The following SCAPER variants were observed in gnomAD, a reference collection of about 807,000 sequenced individuals.
SCAPER encodes the protein S-phase cyclin A associated protein in the ER, also known as S phase cyclin A-associated protein in the endoplasmic reticulum.
In SCAPER, 98 loss-of-function variants were observed where a neutral mutation model predicts 182.2. The observed-to-expected ratio is 0.54, with a 90% CI of 0.46 to 0.64. SCAPER has a LOEUF of 0.64. SCAPER is among the 30% of genes least tolerant of loss of function. The pLI, the probability that SCAPER is intolerant of heterozygous loss-of-function variation, is 0.00. For synonymous variants in SCAPER, 605 were observed against 564.6 expected (o/e 1.07, Z -1.01); for missense variants, 1,432 against 1,690.0 (o/e 0.85, Z 2.68).
At chr15:76,410,987 C>G (rs368264518) in intron 26 of SCAPER, among the ~76,000 whole-genome samples, 44 of 152,152 alleles carry the variant, frequency 2.9e-4, no homozygotes, top group African/African-American at 1.0e-3. Flanking sequence ...AATAAATGCA[C>G]AAAACTTAAG....
At chr15:76,691,151 A>G (rs185690257) in intron 20 of SCAPER, among the ~76,000 whole-genome samples, 1 of 152,142 alleles carries the variant, frequency 6.6e-6, no homozygotes, top group African/African-American at 2.4e-5. Context: ...AGCCAAAAAA[A>G]TCCAATAGAA....
chr15:76,862,677 G>A (rs781049131), intron 2 of SCAPER, 144 bp from the exon 3 acceptor site: 3 of 488,494 alleles, frequency 6.1e-6, no homozygotes, highest in Middle Eastern at 4.6e-4. Flanking sequence ...ACAGAGAAAA[G>A]GAAGTCACAA....
At chr15:76,864,547 T>C (rs2072123053) in intron 2 of SCAPER, among the ~76,000 whole-genome samples, 1 of 152,114 alleles carries the variant, frequency 6.6e-6, no homozygotes, top group Non-Finnish European at 1.5e-5. Flanking sequence ...TTTACTCTTT[T>C]GGGGAATATG....
At chr15:76,708,151 C>T (rs919819175) in intron 17 of SCAPER, among the ~76,000 whole-genome samples, 3 of 152,224 alleles carry the variant, frequency 2.0e-5, no homozygotes, top group South Asian at 4.2e-4. Flanking sequence ...TGAACATTCT[C>T]CCATATATTT....
At chr15:76,571,891 A>G (rs767987716) in intron 23 of SCAPER, among the ~76,000 whole-genome samples, 3 of 152,158 alleles carry the variant, frequency 2.0e-5, no homozygotes, top group Admixed American at 1.3e-4. Context: ...GTATTACTCT[A>G]TGGAAGTCTT....
chr15:76,478,371 G>C (rs2143010931), intron 24 of SCAPER, among the ~76,000 whole-genome samples: 1 of 151,932 alleles, frequency 6.6e-6, no homozygotes, highest in East Asian at 1.9e-4. Flanking sequence ...TTTTGCTTAT[G>C]TTATTTTAAA....
At chr15:76,762,006 A>G in intron 14 of SCAPER, among the ~76,000 whole-genome samples, 1 of 152,120 alleles carries the variant, frequency 6.6e-6, no homozygotes, top group African/African-American at 2.4e-5. Context: ...CTCCTGTTAA[A>G]CTGAATCTTT....
intron 23 of SCAPER, among the ~76,000 whole-genome samples, chr15:76,549,663 G>A (rs2045589949): frequency 6.6e-6 from 1 of 152,148 alleles, no homozygotes; most frequent in Admixed American, 6.5e-5. Flanking sequence ...GAGTTAATGG[G>A]TGCAGCACAC....
chr15:76,741,233 T>C (rs2061522640), intron 15 of SCAPER, among the ~76,000 whole-genome samples: 1 of 152,152 alleles, frequency 6.6e-6, no homozygotes, highest in Admixed American at 6.5e-5. Flanking sequence ...TAGGAAAATG[T>C]CTGAAACAGT....
intron 24 of SCAPER, among the ~76,000 whole-genome samples, chr15:76,475,003 T>C (rs997689227): frequency 2.6e-5 from 4 of 152,150 alleles, no homozygotes; most frequent in Non-Finnish European, 4.4e-5. Context: ...TCTAGCAAAT[T>C]CTCCACAGAT....
intron 25 of SCAPER, among the ~76,000 whole-genome samples, chr15:76,457,700 A>G (rs1246672800): frequency 6.6e-6 from 1 of 152,230 alleles, no homozygotes; most frequent in African/African-American, 2.4e-5. Context: ...TATTATAATA[A>G]TATGCAGTAC....
At chr15:76,696,530 T>C (rs2058662851) in intron 20 of SCAPER, among the ~76,000 whole-genome samples, 1 of 152,156 alleles carries the variant, frequency 6.6e-6, no homozygotes, top group Non-Finnish European at 1.5e-5. Flanking sequence ...TTGTACAATG[T>C]ACATGCTTTT....
Position 76,765,334 on chromosome 15 carries a change from G to A in SCAPER, c.1613+3C>T. On this transcript the variant is annotated splice_donor_region_variant and intron_variant, in intron 13 of 31. Transcript: ENST00000563290. ...ATTTCAAATTAATTTTCAAATGCCA[G>A]ACCTTTTACGAGAGGGTGAAGAAAG... 5 of 1,604,394 alleles carry A rather than the reference G, an allele frequency of 3.1e-6. No homozygotes were observed. The highest frequency in any genetic ancestry group is 4.3e-6 in the Non-Finnish European group (5 of 1,172,492).
chr15:76,747,479 G>C (rs563578382), intron 15 of SCAPER, among the ~76,000 whole-genome samples: 1 of 151,954 alleles, frequency 6.6e-6, no homozygotes, highest in Admixed American at 6.5e-5. Context: ...TCCAGCCTGG[G>C]GACAGAGTGA....
intron 26 of SCAPER, among the ~76,000 whole-genome samples, chr15:76,426,963 T>G (rs2046478670): frequency 6.6e-6 from 1 of 152,120 alleles, no homozygotes; most frequent in Non-Finnish European, 1.5e-5. Context: ...GAACATGCAA[T>G]GGGGAAATGA....
At chr15:76,807,600 G>A (rs1197574418) in intron 5 of SCAPER, among the ~76,000 whole-genome samples, 6 of 151,306 alleles carry the variant, frequency 4.0e-5, no homozygotes, top group Admixed American at 3.9e-4. Context: ...AGTTACATAT[G>A]TATACATGTG....
At chr15:76,635,737 T>C (rs1479718333) in intron 21 of SCAPER, among the ~76,000 whole-genome samples, 1 of 152,246 alleles carries the variant, frequency 6.6e-6, no homozygotes, top group Non-Finnish European at 1.5e-5. Flanking sequence ...AGTTGCCTTC[T>C]AGTCCTAGTT....
intron 2 of SCAPER, among the ~76,000 whole-genome samples, chr15:76,864,360 C>G (rs1369408058): frequency 6.6e-6 from 1 of 152,198 alleles, no homozygotes; most frequent in Non-Finnish European, 1.5e-5. Flanking sequence ...CTAACCCATA[C>G]TCCTATGAGA....
intron 5 of SCAPER, among the ~76,000 whole-genome samples, chr15:76,827,438 G>C (rs2068106368): frequency 2.0e-5 from 3 of 152,148 alleles, no homozygotes; most frequent in Non-Finnish European, 4.4e-5. Context: ...AGTCAACTAA[G>C]ACCATACAGT....
Sources: allele counts gnomAD v4.1 joint callset (sites outside exome capture counted in the v4.1 genomes callset), GRCh38; gene constraint gnomAD v4.1.1; transcripts MANE v1.5; gene names NCBI Gene and HGNC (gene_info 2026-07-23, HGNC 2026-07-21).